C10orf90: variants seen among roughly 807,000 people sequenced by gnomAD.
The protein encoded by C10orf90 is chromosome 10 open reading frame 90, also known as (E2-independent) E3 ubiquitin-conjugating enzyme FATS.
In C10orf90, 56 loss-of-function variants were observed where a neutral mutation model predicts 62.5. The observed-to-expected ratio is 0.90, with a 90% CI of 0.72 to 1.12. The LOEUF (loss-of-function observed/expected upper bound fraction) is 1.12. Among genes scored for constraint, C10orf90 ranks in the 50% most tolerant of loss-of-function variants. The pLI is 0.00. For synonymous variants in C10orf90, 386 were observed against 340.4 expected (o/e 1.13, Z -1.47); for missense variants, 970 against 880.4 (o/e 1.10, Z -1.29).
At chr10:126,461,271 T>A in intron 6 of C10orf90, 130 bp downstream of exon 6, 1 of 1,068,818 alleles carries the variant, frequency 9.4e-7, no homozygotes. Flanking sequence ...ACCTGCCCAG[T>A]CACACAGCTG....
intron 1 of C10orf90, among the ~76,000 whole-genome samples, chr10:126,659,493 C>A (rs1188720346): frequency 6.6e-6 from 1 of 152,158 alleles, no homozygotes; most frequent in Non-Finnish European, 1.5e-5. Context: ...AAATATTTCT[C>A]CCATTTGTCT....
intron 2 of C10orf90, among the ~76,000 whole-genome samples, chr10:126,643,395 T>C (rs1329784185): frequency 6.6e-6 from 1 of 152,212 alleles, no homozygotes; most frequent in East Asian, 1.9e-4. Flanking sequence ...GAAGGACCTC[T>C]GTGGCCCCTC....
At chr10:126,576,778 CATATTATATAT>C (rs1564879256) in intron 2 of C10orf90, among the ~76,000 whole-genome samples, 7 of 144,480 alleles carry the variant, frequency 4.8e-5, no homozygotes, top group Admixed American at 2.1e-4. Context: ...TGTACATATA[CATATTATATAT>C]ATATTTCAAT....
chr10:126,425,543 G>T lies in C10orf90; in HGVS notation c.*321C>A. On this transcript the variant is annotated 3_prime_UTR_variant, in exon 10 of 10. Transcript: ENST00000488181. ...AAACTTGCTTGTATCAGGCCTCTCTGATGGGCAGGAAACAGCAGGGGAGAA... is the reference window on the plus strand; with the variant it reads ...AAACTTGCTTGTATCAGGCCTCTCTTATGGGCAGGAAACAGCAGGGGAGAA... The T allele has an allele frequency of 2.8e-6, 1 of 359,694 alleles. No individual in the cohort carries two copies. The allele number at this position is 359,694 out of a possible 1,614,324, so 22.3% of individuals were successfully genotyped here.
chr10:126,669,289 G>A (rs1043493079), intron 1 of C10orf90, among the ~76,000 whole-genome samples: 2 of 152,190 alleles, frequency 1.3e-5, no homozygotes, highest in African/African-American at 4.8e-5. Context: ...CCCAGGGCTG[G>A]AACTGGAAGA....
chr10:126,447,853 C>T (rs72831224), intron 7 of C10orf90, among the ~76,000 whole-genome samples: 5 of 5,230 alleles, frequency 9.6e-4, no homozygotes, highest in Admixed American at 8.2e-3. Flanking sequence ...GTTGTTGTTG[C>T]TGCTTTTGTT....
chr10:126,639,219 T>C (rs1233361211), intron 2 of C10orf90, among the ~76,000 whole-genome samples: 1 of 152,168 alleles, frequency 6.6e-6, no homozygotes, highest in African/African-American at 2.4e-5. Flanking sequence ...GTGATTCAGA[T>C]GCACCCCTCC....
intron 4 of C10orf90, 73 bp downstream of exon 4, chr10:126,503,884 G>A: frequency 6.6e-7 from 1 of 1,517,306 alleles, no homozygotes; most frequent in Non-Finnish European, 8.9e-7. Flanking sequence ...TTTTGTATAA[G>A]AAATTCACTC....
At chr10:126,507,314 G>A (rs1390027698) in intron 3 of C10orf90, among the ~76,000 whole-genome samples, 11 of 135,470 alleles carry the variant, frequency 8.1e-5, no homozygotes, top group Admixed American at 4.1e-4. Context: ...CCAAGATCGC[G>A]CCACTGCACT....
At chr10:126,486,048 A>C (rs1262801076) in intron 4 of C10orf90, among the ~76,000 whole-genome samples, 1 of 152,158 alleles carries the variant, frequency 6.6e-6, no homozygotes, top group East Asian at 1.9e-4. Context: ...CCAAGAAGAA[A>C]ACTGGAGAAC....
intron 2 of C10orf90, among the ~76,000 whole-genome samples, chr10:126,514,854 A>G (rs531507323): frequency 1.2e-3 from 183 of 151,958 alleles, no homozygotes; most frequent in African/African-American, 4.2e-3. Flanking sequence ...AAACACAGGG[A>G]AATGGTATGA....
At chr10:126,523,082 T>C (rs1863819806) in intron 2 of C10orf90, 1 of 152,218 alleles carries the variant, frequency 6.6e-6, no homozygotes, top group African/African-American at 2.4e-5. Flanking sequence ...CTCAGAAAAT[T>C]ATGGTTTATA....
intron 4 of C10orf90, among the ~76,000 whole-genome samples, chr10:126,465,790 T>C (rs1476801217): frequency 1.3e-5 from 2 of 152,224 alleles, no homozygotes; most frequent in South Asian, 2.1e-4. Context: ...ATTCATGCTC[T>C]GCAATGGTTA....
rs772065691 is a variant in C10orf90 at position 126,464,803 on chromosome 10, A to G, written c.1718T>C (p.Phe573Ser). Residue 573 changes from phenylalanine (F) to serine (S), a missense_variant, in exon 5 of 10, where the codon TTC becomes TCC. By Grantham distance (155) the Phe-to-Ser change is radical. Transcript: ENST00000488181. Reference sequence around the variant, plus strand: ...AGGAAAAAGGATTCTGGGTTTCAGGAAGCTTTGATGTCGTCTCTCTGTGGG... The same window carrying G: ...AGGAAAAAGGATTCTGGGTTTCAGGGAGCTTTGATGTCGTCTCTCTGTGGG... ...SEPTERRHQS[F>S]LKPRILFPGF... The G allele has an allele frequency of 3.7e-6, 6 of 1,613,946 alleles. No homozygotes were observed. The African/African-American group carries it at 8.0e-5, about 22-fold the overall frequency.
At chr10:126,630,659 T>C (rs1382636874) in intron 2 of C10orf90, among the ~76,000 whole-genome samples, 1 of 152,144 alleles carries the variant, frequency 6.6e-6, no homozygotes, top group Non-Finnish European at 1.5e-5. Context: ...TGACAAAGGC[T>C]TACAAGCAGG....
At chr10:126,606,917 C>T (rs1315806155) in intron 2 of C10orf90, among the ~76,000 whole-genome samples, 36 of 152,122 alleles carry the variant, frequency 2.4e-4, no homozygotes, top group Non-Finnish European at 5.9e-5. Context: ...TGGCAATGAC[C>T]CATAAGCCTT....
chr10:126,655,621 A>C (rs1846377872), intron 1 of C10orf90, among the ~76,000 whole-genome samples: 1 of 152,162 alleles, frequency 6.6e-6, no homozygotes, highest in African/African-American at 2.4e-5. Context: ...CTGTGTGGAA[A>C]TGTCCTTCCC....
intron 2 of C10orf90, among the ~76,000 whole-genome samples, chr10:126,557,270 G>A (rs1226507004): frequency 1.3e-5 from 2 of 151,782 alleles, no homozygotes; most frequent in African/African-American, 2.4e-5. Context: ...TCACGAGGTT[G>A]GGAGATTGAG....
At chr10:126,542,162 G>A (rs931486867) in intron 2 of C10orf90, among the ~76,000 whole-genome samples, 13 of 152,244 alleles carry the variant, frequency 8.5e-5, no homozygotes, top group Non-Finnish European at 1.9e-4. Context: ...AAGTACTGGG[G>A]GAAATAGGGA....
Sources: allele counts gnomAD v4.1 joint callset (sites outside exome capture counted in the v4.1 genomes callset), GRCh38; gene constraint gnomAD v4.1.1; transcripts MANE v1.5; gene names NCBI Gene and HGNC (gene_info 2026-07-23, HGNC 2026-07-21).